HDAC7: variants seen among roughly 807,000 people sequenced by gnomAD.
The protein encoded by HDAC7 is histone deacetylase 7.
HDAC7 carries 26 observed loss-of-function variants against 115.5 expected under a neutral mutation model. The observed-to-expected ratio is 0.23, with a 90% CI of 0.16 to 0.31. HDAC7 has a LOEUF of 0.31. Ranked by LOEUF, HDAC7 falls within the 10% of genes least tolerant of loss-of-function variation. The pLI, the probability that HDAC7 is intolerant of heterozygous loss-of-function variation, is 1.00. For synonymous variants in HDAC7, 564 were observed against 550.9 expected (o/e 1.02, Z -0.33); for missense variants, 1,068 against 1,329.0 (o/e 0.80, Z 3.05).
intron 16 of HDAC7, 151 bp downstream of exon 16, chr12:47,791,108 C>T: frequency 1.4e-6 from 1 of 739,104 alleles, no homozygotes; most frequent in Non-Finnish European, 2.3e-6. Flanking sequence ...GAGCTTCCTG[C>T]TGCAGGGGGC....
At position 47,786,626 on chromosome 12, in the gene HDAC7, C is replaced by T. The variant is rs1943185055; in HGVS notation, c.2531G>A (p.Gly844Asp). The T allele has an allele frequency of 1.2e-6, 2 of 1,613,930 alleles. No homozygotes were observed. The highest frequency in any genetic ancestry group is 1.1e-5 in the South Asian group (1 of 91,082). Residue 844 changes from glycine to aspartate, a missense_variant, in exon 22 of 26, where the codon GGT becomes GAT. Transcript: ENST00000080059. ...LVSAGFDAAE[G>D]HPAPLGGYHV... ...GTAGCCACCCAGTGGGGCCGGGTGA[C>T]CCTCAGCAGCATCAAATCCAGCAGA...
intron 19 of HDAC7, chr12:47,788,986 A>G: frequency 2.3e-6 from 1 of 442,228 alleles, no homozygotes. Flanking sequence ...TAGATCTGCC[A>G]AAAGAAGCCA....
chr12:47,792,454 A>C, intron 13 of HDAC7: 2 of 339,514 alleles, frequency 5.9e-6, no homozygotes, highest in Non-Finnish European at 5.8e-6. Flanking sequence ...GAAACCCCCA[A>C]ACCGGGAGCT....
chr12:47,785,848 T>A lies in HDAC7; in HGVS notation c.2610A>T (p.Ala870=). Residue 870 remains alanine, a synonymous_variant, in exon 23 of 26, where the codon GCA becomes GCT. Coordinates refer to ENST00000080059, the MANE Select transcript of HDAC7 (RefSeq NM_015401.5). ...GYMTQQLMNL[A]GGAVVLALEG... ...CCAAGGCCAGCACCACTGCGCCTCCTGCCAGGTTCATCAGTTGCTGCGTCA... is the reference window on the plus strand; with the variant it reads ...CCAAGGCCAGCACCACTGCGCCTCCAGCCAGGTTCATCAGTTGCTGCGTCA... The A allele has an allele frequency of 6.2e-7, 1 of 1,610,588 alleles. No homozygotes were observed. Among genetic ancestry groups the A allele is most frequent in the Non-Finnish European group, 8.5e-7 (1 of 1,178,460 alleles).
chr12:47,811,124 C>A (rs1162774408), intron 1 of HDAC7, among the ~76,000 whole-genome samples: 1 of 152,150 alleles, frequency 6.6e-6, no homozygotes, highest in Non-Finnish European at 1.5e-5. Context: ...CACAGGGATG[C>A]CACATTAACA....
chr12:47,786,619 C>T lies in HDAC7; in HGVS notation c.2538G>A (p.Pro846=), dbSNP rs748863112. 38 of 1,613,470 alleles carry T rather than the reference C, an allele frequency of 2.4e-5. No individual in the cohort carries two copies. Among genetic ancestry groups the T allele is most frequent in the Middle Eastern group, 1.6e-4 (1 of 6,080 alleles). ...AAACATGGTAGCCACCCAGTGGGGC[C>T]GGGTGACCCTCAGCAGCATCAAATC... ...SAGFDAAEGH[P]APLGGYHVSA... is the part of the protein sequence containing the mutation. The change falls in exon 22 of 26, where the codon CCG becomes CCA. Residue 846 remains proline, a synonymous_variant. Coordinates refer to ENST00000080059, the MANE Select transcript of HDAC7 (RefSeq NM_015401.5).
At chr12:47,791,116 G>T in intron 16 of HDAC7, 143 bp downstream of exon 16, 1 of 771,800 alleles carries the variant, frequency 1.3e-6, no homozygotes, top group South Asian at 1.5e-5. Flanking sequence ...TGCTGCAGGG[G>T]GCACCTCAGG....
intron 8 of HDAC7, 35 bp downstream of exon 8, chr12:47,796,172 T>C (rs1349652867): frequency 6.3e-7 from 1 of 1,579,762 alleles, no homozygotes. Context: ...GCCTCAGAAC[T>C]GCCCCAGGAG....
intron 18 of HDAC7, 36 bp downstream of exon 18, chr12:47,789,487 C>G: frequency 1.2e-6 from 2 of 1,610,082 alleles, no homozygotes; most frequent in Non-Finnish European, 1.7e-6. Flanking sequence ...GGCTTGCCCC[C>G]CACCTCATCC....
At chr12:47,791,820 C>CCCCCA in intron 14 of HDAC7, 51 bp downstream of exon 14, 2 of 1,581,776 alleles carry the variant, frequency 1.3e-6, no homozygotes, top group Non-Finnish European at 1.7e-6. Flanking sequence ...CCCTCCCCTC[C>CCCCCA]CATGACTCCT....
intron 24 of HDAC7, chr12:47,785,035 G>A: frequency 1.7e-6 from 1 of 573,796 alleles, no homozygotes; most frequent in Non-Finnish European, 3.1e-6. Context: ...TGAGACGCCT[G>A]TGGCCAGGAC....
chr12:47,800,851 G>A (rs1944132681), intron 2 of HDAC7, among the ~76,000 whole-genome samples: 1 of 152,216 alleles, frequency 6.6e-6, no homozygotes, highest in South Asian at 2.1e-4. Context: ...ATACAGGATG[G>A]GCTCTGCCTG....
Position 47,797,064 on chromosome 12 carries a change from T to A in HDAC7, c.656A>T (p.Glu219Val). The A allele has an allele frequency of 6.2e-7, 1 of 1,604,352 alleles. No individual in the cohort carries two copies. The highest frequency in any genetic ancestry group is 8.5e-7 in the Non-Finnish European group (1 of 1,175,824). The part of the protein sequence containing the change: ...ERRKNPLLRK[E>V]SAPPSLRRRP... ...CCGCCGGAGGCTGGGGGGCGCACTC[T>A]CCTTTCGGAGCAGTGGATTCTTCCT... The change falls in exon 7 of 26, where the codon GAG (glutamate) becomes GTG (valine). Residue 219 changes from glutamate (E) to valine (V), a missense_variant. Physicochemically the swap from Glu to Val is moderately radical, Grantham distance 121 (BLOSUM62 -2). Coordinates refer to ENST00000080059, the MANE Select transcript of HDAC7 (RefSeq NM_015401.5). This position sits in a 1 kb window ranked among gnomAD's most constrained non-coding sequence, Gnocchi z 5.5.
intron 1 of HDAC7, chr12:47,802,523 C>T: frequency 6.5e-7 from 1 of 1,544,906 alleles, no homozygotes; most frequent in Non-Finnish European, 8.8e-7. Context: ...GACTTGAACT[C>T]AGACTACAGC....
At chr12:47,791,773 G>A in intron 14 of HDAC7, 67 bp from the exon 15 acceptor site, 1 of 1,593,576 alleles carries the variant, frequency 6.3e-7, no homozygotes, top group South Asian at 1.1e-5. Flanking sequence ...ACCACCCCAT[G>A]TGCCCCTCAT....
chr12:47,800,226 GA>G (rs1393986990), intron 2 of HDAC7, among the ~76,000 whole-genome samples: 1 of 152,170 alleles, frequency 6.6e-6, no homozygotes, highest in African/African-American at 2.4e-5. Flanking sequence ...GCTCGGAGGT[GA>G]AGGGCCCTGT....
chr12:47,803,446 A>G lies in HDAC7; in HGVS notation c.20-1172T>C, dbSNP rs1592679669. 6.6e-6 allele frequency among the ~76,000 whole-genome samples: 1 copy of G among 151,482 alleles called. No homozygotes were observed. The highest frequency in any genetic ancestry group is 6.6e-5 in the Admixed American group (1 of 15,198). On this transcript the variant is annotated intron_variant, in intron 1 of 25. Transcript: ENST00000080059. The surrounding 1 kb of genome is among the most constrained non-coding windows in gnomAD (Gnocchi z 4.0). ...GAGGGGGCAGCCTGGGCACAGGGAG[A>G]CTCCCACCGACTGCCCCTCAAACCA...
intron 25 of HDAC7, 70 bp from the exon 26 acceptor site, chr12:47,783,956 C>T (rs1943001336): frequency 1.9e-6 from 3 of 1,606,346 alleles, no homozygotes; most frequent in Non-Finnish European, 2.6e-6. Flanking sequence ...TAAGCTTCCT[C>T]TCAACCCTGG....
chr12:47,790,085 C>A lies in HDAC7; in HGVS notation c.1984-165G>T, dbSNP rs185081426. On this transcript the variant is annotated intron_variant, in intron 16 of 25. Coordinates refer to ENST00000080059, the MANE Select transcript of HDAC7 (RefSeq NM_015401.5). ...CGCCCAAAGGCAAGGCCTCCTGTGT[C>A]CCCCAATCCCAGCATGACTTTTTCC... 1.2e-4 allele frequency: 73 copies of A among 609,078 alleles called. No individual in the cohort carries two copies. The East Asian group carries it at 1.3e-3, about 11-fold the overall frequency. 37.7% of individuals were successfully genotyped at this position (609,078 alleles called of 1,614,324 possible).
Sources: gnomAD v4.1 joint callset for allele counts (sites outside exome capture counted in the v4.1 genomes callset) on GRCh38, gnomAD v4.1.1 for gene constraint, Gnocchi (gnomAD v3.1) non-coding constraint, MANE v1.5 for transcripts, NCBI Gene and HGNC (gene_info 2026-07-23, HGNC 2026-07-21) for gene names.